Variants in SLC5A9 observed in about 807,000 individuals in gnomAD.
SLC5A9 encodes sodium/glucose cotransporter 4.
SLC5A9 carries 59 observed loss-of-function variants against 70.9 expected under a neutral mutation model. The observed-to-expected ratio is 0.83, with a 90% CI of 0.68 to 1.03. The LOEUF (loss-of-function observed/expected upper bound fraction) is 1.03. SLC5A9 is among the 50% of genes least tolerant of loss of function. The probability of loss-of-function intolerance (pLI) is 0.00; values close to 1 mark genes in which losing one functional copy is unlikely to be tolerated. For missense variants in SLC5A9, 832 were observed against 881.1 expected (o/e 0.94, Z 0.71); for synonymous variants, 340 against 346.5 (o/e 0.98, Z 0.21).
At position 48,248,423 on chromosome 1, in the gene SLC5A9, T is replaced by TGTG. The variant is rs1204836789; in HGVS notation, c.*881_*883dup. ...TGAATCCGCATACCTTGGAATACACTGTGACCCCAGTTAAGTGTCCCTTCG... is the reference window on the plus strand; with the variant it reads ...TGAATCCGCATACCTTGGAATACACTGTGGTGACCCCAGTTAAGTGTCCCTTCG... On this transcript the variant is annotated 3_prime_UTR_variant, in exon 14 of 14. Coordinates refer to ENST00000438567, the MANE Select transcript of SLC5A9 (RefSeq NM_001011547.3). 1 of 152,364 alleles carries TGTG rather than the reference T, an allele frequency of 6.6e-6. No individual in the cohort carries two copies. Among genetic ancestry groups the TGTG allele is most frequent in the Non-Finnish European group, 1.5e-5 (1 of 68,150 alleles). The allele number at this position is 152,364 out of a possible 1,614,324, so 9.4% of individuals were successfully genotyped here. A position where few individuals can be genotyped will look rare whatever the true frequency, so the allele number is the denominator to read the frequency against.
At chr1:48,236,127 C>T (rs908991934) in intron 10 of SLC5A9, among the ~76,000 whole-genome samples, 1 of 152,028 alleles carries the variant, frequency 6.6e-6, no homozygotes, top group Non-Finnish European at 1.5e-5. Flanking sequence ...ACAGGGTTGT[C>T]GAGAGATGAA....
At chr1:48,231,800 T>A in intron 6 of SLC5A9, 146 bp from the exon 7 acceptor site, 1 of 1,509,812 alleles carries the variant, frequency 6.6e-7, no homozygotes, top group Non-Finnish European at 8.9e-7. Flanking sequence ...AAACCAAGGG[T>A]CTTGAGCCCA....
At chr1:48,232,177 A>T (rs754595562) in intron 7 of SLC5A9, 26 bp downstream of exon 7, 1 of 1,593,946 alleles carries the variant, frequency 6.3e-7, no homozygotes, top group Admixed American at 1.7e-5. Flanking sequence ...GGCTTAGCCC[A>T]GCCTGCCAGG....
chr1:48,247,038 G>A (rs191343568), intron 13 of SLC5A9, among the ~76,000 whole-genome samples: 1 of 152,294 alleles, frequency 6.6e-6, no homozygotes, highest in African/African-American at 2.4e-5. Context: ...GCATTATCCT[G>A]CCACCTTAAT....
intron 12 of SLC5A9, among the ~76,000 whole-genome samples, chr1:48,241,728 T>C (rs866074321): frequency 1.1e-3 from 154 of 138,896 alleles, no homozygotes; most frequent in African/African-American, 3.6e-3. Flanking sequence ...CTCTCTCTCT[T>C]TCTCTATCTC....
Position 48,239,058 on chromosome 1 carries a change from CG to C in SLC5A9, c.1462-262del, listed in dbSNP as rs1241791310. On this transcript the variant is annotated intron_variant, in intron 11 of 13. Coordinates refer to ENST00000438567, the MANE Select transcript of SLC5A9 (RefSeq NM_001011547.3). This position sits in a 1 kb window ranked among gnomAD's most constrained non-coding sequence, Gnocchi z 4.2. Reference sequence around the variant, plus strand: ...CCAATAAGAAAACTCTGAGTCAGCACGGCCGAGTCATTGGTTCAGTCAGTTC... The same window carrying C: ...CCAATAAGAAAACTCTGAGTCAGCACGCCGAGTCATTGGTTCAGTCAGTTC... Among the ~76,000 whole-genome samples the C allele has an allele frequency of 1.3e-5, 2 of 152,174 alleles. No individual in the cohort carries two copies. Among genetic ancestry groups the C allele is most frequent in the East Asian group, 1.9e-4 (1 of 5,200 alleles).
intron 4 of SLC5A9, among the ~76,000 whole-genome samples, chr1:48,229,911 C>G (rs900102909): frequency 1.3e-5 from 2 of 152,216 alleles, no homozygotes; most frequent in Admixed American, 6.5e-5. Context: ...AGTCCAGGCT[C>G]CTTCCACTCT....
At chr1:48,237,311 A>T (rs544294173) in intron 10 of SLC5A9, among the ~76,000 whole-genome samples, 1 of 126,982 alleles carries the variant, frequency 7.9e-6, no homozygotes, top group African/African-American at 3.1e-5. Flanking sequence ...CAGGGCAGGG[A>T]TGGAAAAGAG....
At chr1:48,229,543 A>T in intron 4 of SLC5A9, 84 bp downstream of exon 4, 1 of 1,560,634 alleles carries the variant, frequency 6.4e-7, no homozygotes, top group Middle Eastern at 1.8e-4. Flanking sequence ...CGTGTTGCTG[A>T]GGGGAAGCTG....
Position 48,237,708 on chromosome 1 carries a change from G to C in SLC5A9, c.1322G>C (p.Ser441Thr). Reference protein sequence around the residue: ...RVFVVFLVVISILWIPIIQSS... With the variant: ...RVFVVFLVVITILWIPIIQSS... ...TTTGTGGTGTTCCTGGTTGTCATCA[G>C]CATCCTCTGGATCCCCATCATCCAA... is the stretch of plus-strand genomic sequence containing the variant. Residue 441 changes from serine to threonine, a missense_variant, in exon 11 of 14, where the codon AGC becomes ACC. Physicochemically the swap from Ser to Thr is moderately conservative, Grantham distance 58 (BLOSUM62 1). Transcript: ENST00000438567. The C allele has an allele frequency of 6.2e-7, 1 of 1,614,068 alleles. No individual in the cohort carries two copies. Among genetic ancestry groups the C allele is most frequent in the Non-Finnish European group, 8.5e-7 (1 of 1,180,026 alleles).
At chr1:48,244,786 A>G (rs1393860125) in intron 13 of SLC5A9, among the ~76,000 whole-genome samples, 1 of 134,954 alleles carries the variant, frequency 7.4e-6, no homozygotes, top group African/African-American at 2.7e-5. Context: ...TATATTATAT[A>G]TAAATTATAT....
At chr1:48,227,380 TGA>T (rs1307110193) in intron 2 of SLC5A9, among the ~76,000 whole-genome samples, 1 of 145,166 alleles carries the variant, frequency 6.9e-6, no homozygotes, top group African/African-American at 2.6e-5. Context: ...ATTGCATGTG[TGA>T]GAGTGTGTGT....
At chr1:48,222,934 G>A (rs746243741) in intron 1 of SLC5A9, 36 bp downstream of exon 1, 3 of 1,609,256 alleles carry the variant, frequency 1.9e-6, no homozygotes, top group South Asian at 1.1e-5. Flanking sequence ...AGCAGGGGAG[G>A]TAGTAGTGGT....
At chr1:48,222,990 A>G in intron 1 of SLC5A9, 92 bp downstream of exon 1, 1 of 1,332,392 alleles carries the variant, frequency 7.5e-7, no homozygotes, top group Non-Finnish European at 1.0e-6. Context: ...GGCTAGGCAG[A>G]AAGAAGCAGA....
chr1:48,228,816 G>A (rs750670689), intron 2 of SLC5A9, 34 bp from the exon 3 acceptor site: 10 of 1,612,132 alleles, frequency 6.2e-6, no homozygotes, highest in South Asian at 1.1e-5. Flanking sequence ...GATCACTCCT[G>A]ACTCCTGACC....
chr1:48,236,240 A>T (rs1051527836), intron 10 of SLC5A9, among the ~76,000 whole-genome samples: 1 of 151,558 alleles, frequency 6.6e-6, no homozygotes, highest in Non-Finnish European at 1.5e-5. Context: ...AAGCCCGGTT[A>T]AAAAAAAATG....
Position 48,232,034 on chromosome 1 carries a change from C to T in SLC5A9, c.780C>T (p.His260=). 1.2e-6 allele frequency: 2 copies of T among 1,614,182 alleles called. No individual in the cohort carries two copies. The highest frequency in any genetic ancestry group is 1.7e-6 in the Non-Finnish European group (2 of 1,180,022). Residue 260 remains histidine, a synonymous_variant, in exon 7 of 14, where the codon CAC becomes CAT. Transcript: ENST00000438567. ...PNVTVPNTTC[H]LPRPDAFHIL... ...TCACAGTCCCCAACACCACCTGTCA[C>T]CTCCCACGGCCCGATGCTTTCCACA...
chr1:48,244,910 A>ATATATATATAT (rs56780309), intron 13 of SLC5A9, among the ~76,000 whole-genome samples: 325 of 110,490 alleles, frequency 2.9e-3, no homozygotes, highest in South Asian at 4.6e-3. Context: ...ATATATATAT[A>ATATATATATAT]AAACCTCTGT....
intron 4 of SLC5A9, among the ~76,000 whole-genome samples, chr1:48,230,267 G>A (rs1644228273): frequency 6.6e-6 from 1 of 152,180 alleles, no homozygotes; most frequent in Non-Finnish European, 1.5e-5. Context: ...TCTCCTAAAT[G>A]AGCTCTTCTT....
Sources: allele counts gnomAD v4.1 joint callset (sites outside exome capture counted in the v4.1 genomes callset), GRCh38; gene constraint gnomAD v4.1.1; non-coding constraint Gnocchi (gnomAD v3.1); transcripts MANE v1.5; gene names NCBI Gene and HGNC (gene_info 2026-07-23, HGNC 2026-07-21).